The following PEX14 variants were observed in gnomAD, a reference collection of about 807,000 sequenced individuals.
PEX14 encodes peroxisomal biogenesis factor 14.
Under a neutral mutation model 49.5 loss-of-function variants are expected in PEX14, and 15 were observed. The observed-to-expected ratio is 0.30, with a 90% CI of 0.20 to 0.47. The LOEUF is 0.47. Ranked by LOEUF, PEX14 falls within the 20% of genes least tolerant of loss-of-function variation. The probability of loss-of-function intolerance (pLI) is 1.00; values close to 1 mark genes in which losing one functional copy is unlikely to be tolerated. For missense variants in PEX14, 398 were observed against 494.8 expected, an observed-to-expected ratio of 0.80 and a Z score of 1.86; for synonymous variants, 210 against 212.7, an observed-to-expected ratio of 0.99 and a Z score of 0.11.
At chr1:10,540,515 G>C (rs1638969999) in intron 3 of PEX14, among the ~76,000 whole-genome samples, 1 of 151,752 alleles carries the variant, frequency 6.6e-6, no homozygotes, top group South Asian at 2.1e-4. Context: ...ACCTTGTTCT[G>C]ATGGCCAGGT....
At chr1:10,490,654 C>G (rs115391103) in intron 1 of PEX14, among the ~76,000 whole-genome samples, 3,480 of 150,604 alleles carry the variant, frequency 0.023, 140 homozygotes, top group African/African-American at 0.076. Context: ...GCCTTAGGTC[C>G]TTTTCTTACA....
At chr1:10,524,553 C>A in intron 2 of PEX14, 2 of 237,130 alleles carry the variant, frequency 8.4e-6, no homozygotes, top group Non-Finnish European at 1.4e-5. Flanking sequence ...CCTAGATGAC[C>A]AAGATGGGGA....
rs1296535686 is a variant in PEX14, at chr1:10,474,983, A to G, written c.17A>G (p.Gln6Arg). The change falls in exon 1 of 9, where the codon CAG (glutamine) becomes CGG (arginine). Residue 6 changes from glutamine to arginine, a missense_variant. By Grantham distance (43) the Gln-to-Arg change is conservative. This residue lies in a region of PEX14 where 56 missense variants were observed against 40.8 expected (regional missense o/e 1.37). Transcript: ENST00000356607. The stretch of plus-strand genomic sequence containing the variant: ...CTCAGAAAGATGGCGTCCTCGGAGC[A>G]GGCAGAGCAGCCGAGCCAGGTAAGG... MASSE[Q>R]AEQPSQPSST... 1 of 1,609,704 alleles carries G rather than the reference A, an allele frequency of 6.2e-7. No individual in the cohort carries two copies. The highest frequency in any genetic ancestry group is 8.5e-7 in the Non-Finnish European group (1 of 1,178,432).
At chr1:10,493,839 C>G (rs1275162833) in intron 1 of PEX14, among the ~76,000 whole-genome samples, 1 of 152,130 alleles carries the variant, frequency 6.6e-6, no homozygotes, top group Non-Finnish European at 1.5e-5. Context: ...GAAGTTTGTC[C>G]CATTCATGCC....
intron 3 of PEX14, among the ~76,000 whole-genome samples, chr1:10,586,817 A>G (rs1357139348): frequency 6.6e-6 from 1 of 151,108 alleles, no homozygotes; most frequent in East Asian, 1.9e-4. Flanking sequence ...TTTTTTTTGT[A>G]TTTTTAGTAG....
chr1:10,581,613 T>G (rs1640322933), intron 3 of PEX14, among the ~76,000 whole-genome samples: 1 of 151,884 alleles, frequency 6.6e-6, no homozygotes, highest in Non-Finnish European at 1.5e-5. Flanking sequence ...TAATCCTTGT[T>G]ATTCTTATTT....
intron 3 of PEX14, among the ~76,000 whole-genome samples, chr1:10,559,941 C>T (rs980393363): frequency 6.6e-6 from 1 of 152,158 alleles, no homozygotes; most frequent in East Asian, 1.9e-4. Flanking sequence ...TGATAAGATT[C>T]CAGTTCTGCT....
At chr1:10,543,941 G>A (rs1295883246) in intron 3 of PEX14, among the ~76,000 whole-genome samples, 1 of 152,156 alleles carries the variant, frequency 6.6e-6, no homozygotes, top group African/African-American at 2.4e-5. Flanking sequence ...GTTTACTCTC[G>A]GCTCTGTATT....
intron 4 of PEX14, among the ~76,000 whole-genome samples, chr1:10,600,979 A>C (rs968984980): frequency 4.7e-5 from 7 of 149,860 alleles, no homozygotes; most frequent in African/African-American, 1.7e-4. Context: ...AAAAACAGAC[A>C]GGCCGGGCGC....
intron 3 of PEX14, among the ~76,000 whole-genome samples, chr1:10,565,840 C>CA (rs977071026): frequency 7.9e-5 from 12 of 151,678 alleles, no homozygotes; most frequent in Non-Finnish European, 1.2e-4. Context: ...CTCATTGCTA[C>CA]AAAAAAACAC....
At chr1:10,610,115 A>G (rs1199880721) in intron 4 of PEX14, among the ~76,000 whole-genome samples, 14 of 148,152 alleles carry the variant, frequency 9.4e-5, no homozygotes, top group African/African-American at 3.4e-4. Context: ...AATATATGTA[A>G]TATATATTTG....
At chr1:10,615,157 A>G (rs1335917217) in intron 4 of PEX14, among the ~76,000 whole-genome samples, 4 of 152,196 alleles carry the variant, frequency 2.6e-5, no homozygotes, top group African/African-American at 9.7e-5. Flanking sequence ...TGCTAACCAT[A>G]ACACAAACCC....
intron 3 of PEX14, among the ~76,000 whole-genome samples, chr1:10,580,964 A>G (rs2124569241): frequency 6.6e-6 from 1 of 152,286 alleles, no homozygotes; most frequent in East Asian, 1.9e-4. Flanking sequence ...CAGGATTAAA[A>G]CATAAGCCAC....
rs148123605 is a variant in PEX14, at chr1:10,550,484, T to G, written c.169+14187T>G. ...TGCTATGCTAAGTGCACTGGGGACATAAATGGTCCACACCCTTAGAGAACT... is the reference window on the plus strand; with the variant it reads ...TGCTATGCTAAGTGCACTGGGGACAGAAATGGTCCACACCCTTAGAGAACT... On this transcript the variant is annotated intron_variant, in intron 3 of 8. Transcript: ENST00000356607. 4.2e-3 allele frequency among the ~76,000 whole-genome samples: 643 copies of G among 152,336 alleles called. 6 individuals carry two copies. The highest frequency in any genetic ancestry group is 0.015 in the African/African-American group (612 of 41,566).
intron 7 of PEX14, among the ~76,000 whole-genome samples, chr1:10,626,670 C>G (rs1421725964): frequency 6.6e-6 from 1 of 152,218 alleles, no homozygotes; most frequent in Non-Finnish European, 1.5e-5. Context: ...CCTGGGGTGG[C>G]CTTCAGCCTG....
intron 4 of PEX14, among the ~76,000 whole-genome samples, chr1:10,612,829 C>T (rs1433102197): frequency 6.6e-6 from 1 of 152,202 alleles, no homozygotes; most frequent in African/African-American, 2.4e-5. Flanking sequence ...AGGGTGGCTT[C>T]TGAGCGAAGC....
At chr1:10,611,829 C>A (rs1218336289) in intron 4 of PEX14, among the ~76,000 whole-genome samples, 3 of 152,070 alleles carry the variant, frequency 2.0e-5, no homozygotes, top group African/African-American at 4.8e-5. Flanking sequence ...TTTTAAAAGC[C>A]ACTTTGTCTT....
At position 10,618,389 on chromosome 1, in the gene PEX14, T is replaced by C. The variant is rs1210554647; in HGVS notation, c.356T>C (p.Ile119Thr). 25 of 1,613,760 alleles carry C rather than the reference T, an allele frequency of 1.5e-5. No homozygotes were observed. Among genetic ancestry groups the C allele is most frequent in the Non-Finnish European group, 1.9e-5 (23 of 1,180,012 alleles). Residue 119 changes from isoleucine to threonine, a missense_variant, in exon 5 of 9, where the codon ATT (isoleucine) becomes ACT (threonine). This residue lies in a region of PEX14 where 202 missense variants were observed against 298.5 expected (regional missense o/e 0.68). Transcript: ENST00000356607. Reference sequence around the variant, plus strand: ...GCCCTGGCCATCATCATGGCAGGCATTGCATTTGGCTTTCACCAGCTCTAC... The same window carrying C: ...GCCCTGGCCATCATCATGGCAGGCACTGCATTTGGCTTTCACCAGCTCTAC... ...YGALAIIMAG[I>T]AFGFHQLYKK...
chr1:10,489,890 C>T (rs969238287), intron 1 of PEX14, among the ~76,000 whole-genome samples: 8 of 152,234 alleles, frequency 5.3e-5, no homozygotes, highest in African/African-American at 1.9e-4. Flanking sequence ...CGTAGTCCTG[C>T]ACTGCCTGCT....
Sources: allele counts gnomAD v4.1 joint callset (sites outside exome capture counted in the v4.1 genomes callset), GRCh38; gene constraint gnomAD v4.1.1; regional missense constraint gnomAD v4.1.1; transcripts MANE v1.5; gene names NCBI Gene and HGNC (gene_info 2026-07-23, HGNC 2026-07-21).